Variants in E2F3 observed in about 807,000 individuals in gnomAD.
E2F3 encodes transcription factor E2F3.
Under a neutral mutation model 44.4 loss-of-function variants are expected in E2F3, and 11 were observed. The observed-to-expected ratio is 0.25, with a 90% CI of 0.16 to 0.41. The LOEUF is 0.41. Ranked by LOEUF, E2F3 falls within the 10% of genes least tolerant of loss-of-function variation. The pLI is 1.00. For synonymous variants in E2F3, 249 were observed against 253.0 expected, an observed-to-expected ratio of 0.98 and a Z score of 0.15; for missense variants, 487 against 583.6, an observed-to-expected ratio of 0.83 and a Z score of 1.70.
intron 1 of E2F3, among the ~76,000 whole-genome samples, chr6:20,433,358 A>G (rs145244329): frequency 2.0e-5 from 3 of 152,344 alleles, no homozygotes; most frequent in East Asian, 1.9e-4. Flanking sequence ...GACCAGTTCT[A>G]TGGTTCAGGT....
At position 20,460,996 on chromosome 6, in the gene E2F3, C is replaced by CAAAA. The variant is rs61306918; in HGVS notation, c.394-18825_394-18822dup. ...GGGAGACAGAGCAAGACTCTATCTC[C>CAAAA]AAAAAAAAAAAAAAAAAAAAAAAAA... On this transcript the variant is annotated intron_variant, in intron 1 of 6. Coordinates refer to ENST00000346618, the MANE Select transcript of E2F3 (RefSeq NM_001949.5). 8.8e-4 allele frequency among the ~76,000 whole-genome samples: 49 copies of CAAAA among 55,496 alleles called. 2 individuals are homozygous for CAAAA. The highest frequency in any genetic ancestry group is 3.6e-3 in the African/African-American group (48 of 13,268). The allele number at this position is 55,496 out of a possible 152,430, so 36.4% of individuals were successfully genotyped here.
At chr6:20,485,375 T>G (rs902107239) in intron 4 of E2F3, among the ~76,000 whole-genome samples, 57 of 152,120 alleles carry the variant, frequency 3.7e-4, no homozygotes, top group African/African-American at 1.3e-3. Flanking sequence ...GTCCAGGAGT[T>G]CAAGACCAGC....
chr6:20,490,415 C>T lies in E2F3; in HGVS notation c.1383C>T (p.Asp461=). The stretch of plus-strand genomic sequence containing the variant: ...TGGAAAAGCTCCCACTGGTGGAAGA[C>T]TTCATGTGTAGTTGATTATGCTTCG... The part of the protein sequence containing the change: ...YDLEKLPLVE[D]FMCS Residue 461 remains aspartate (D), a synonymous_variant, in exon 7 of 7, where the codon GAC becomes GAT. Coordinates refer to ENST00000346618, the MANE Select transcript of E2F3 (RefSeq NM_001949.5). This position sits in a 1 kb window ranked among gnomAD's most constrained non-coding sequence, Gnocchi z 4.3. 1 of 1,582,944 alleles carries T rather than the reference C, an allele frequency of 6.3e-7. No homozygotes were observed. The highest frequency in any genetic ancestry group is 1.2e-5 in the South Asian group (1 of 86,174).
rs914595201 is a variant in E2F3, at chr6:20,405,381, C to T, written c.393+2756C>T. Among the ~76,000 whole-genome samples, 3 of 124,206 alleles carry T rather than the reference C, an allele frequency of 2.4e-5. No individual in the cohort carries two copies. In the Admixed American group the frequency reaches 3.0e-4, roughly 12 times the overall value. The allele number at this position is 124,206 out of a possible 152,430, so 81.5% of individuals were successfully genotyped here. Reference sequence around the variant, plus strand: ...TTTTTTTTTGAGACGGAGTCTCATTCTGTCGCCCAGGCTGGAGTGCAATGG... The same window carrying T: ...TTTTTTTTTGAGACGGAGTCTCATTTTGTCGCCCAGGCTGGAGTGCAATGG... On this transcript the variant is annotated intron_variant, in intron 1 of 6. Coordinates refer to ENST00000346618, the MANE Select transcript of E2F3 (RefSeq NM_001949.5).
intron 1 of E2F3, among the ~76,000 whole-genome samples, chr6:20,411,163 T>C (rs186459242): frequency 6.6e-6 from 1 of 152,368 alleles, no homozygotes; most frequent in East Asian, 1.9e-4. Flanking sequence ...CCTTTATTTC[T>C]GTGATTAAAT....
At chr6:20,418,689 T>C (rs1333456218) in intron 1 of E2F3, among the ~76,000 whole-genome samples, 4 of 152,158 alleles carry the variant, frequency 2.6e-5, no homozygotes, top group Non-Finnish European at 5.9e-5. Context: ...ATGATCCCAT[T>C]AGTACCTTCC....
At chr6:20,443,161 G>T (rs1238084935) in intron 1 of E2F3, among the ~76,000 whole-genome samples, 1 of 152,084 alleles carries the variant, frequency 6.6e-6, no homozygotes, top group African/African-American at 2.4e-5. Flanking sequence ...AGGGATGCAG[G>T]GGTCCTGTCT....
Position 20,482,796 on chromosome 6 carries a change from G to T in E2F3, c.760G>T (p.Ala254Ser). ...TCTGTCTGAGGATGGGGGCATGCTG[G>T]CCCAGTGTCAAGGCCTGTCAAAAGA... ...CSLSEDGGML[A>S]QCQGLSKEVT... The change falls in exon 4 of 7, where the codon GCC (alanine) becomes TCC (serine). Residue 254 changes from alanine (A) to serine (S), a missense_variant. By Grantham distance (99) the Ala-to-Ser change is moderately conservative (BLOSUM62 1). Around this residue, in one of 3 missense-constraint regions of E2F3, gnomAD observed 220 missense variants for 261.7 expected, o/e 0.84. Transcript: ENST00000346618. The T allele has an allele frequency of 6.2e-7, 1 of 1,612,556 alleles. No homozygotes were observed. The highest frequency in any genetic ancestry group is 2.2e-5 in the East Asian group (1 of 44,846).
At chr6:20,425,389 T>A (rs1219679669) in intron 1 of E2F3, among the ~76,000 whole-genome samples, 1 of 145,408 alleles carries the variant, frequency 6.9e-6, no homozygotes, top group African/African-American at 2.5e-5. Context: ...ACCTTCTACT[T>A]TTTTTTTTTT....
In E2F3 at chr6:20,482,876, C is replaced by T. The variant is rs1334238186; in HGVS notation, c.840C>T (p.Cys280=). 6.2e-7 allele frequency: 1 copy of T among 1,613,780 alleles called. No individual in the cohort carries two copies. The highest frequency in any genetic ancestry group is 1.3e-5 in the African/African-American group (1 of 74,918). ...AATTAGATGAACTGATCCAAAGCTG[C>T]ACCCTGGACCTCAAACTGTTAACCG... is the stretch of plus-strand genomic sequence containing the variant. The part of the protein sequence containing the change: ...EKKLDELIQS[C]TLDLKLLTED... Residue 280 remains cysteine (C), a synonymous_variant, in exon 4 of 7, where the codon TGC becomes TGT. Coordinates refer to ENST00000346618, the MANE Select transcript of E2F3 (RefSeq NM_001949.5).
chr6:20,481,810 T>A (rs1762233062), intron 3 of E2F3, among the ~76,000 whole-genome samples: 1 of 152,092 alleles, frequency 6.6e-6, no homozygotes, highest in Non-Finnish European at 1.5e-5. Flanking sequence ...CTGGAAATGA[T>A]GGCTTATGGG....
rs1273578188 is a variant in E2F3 at position 20,492,812 on chromosome 6, TTAAG to T, written c.*2386_*2389del. The T allele has an allele frequency of 4.4e-6, 1 of 226,424 alleles. No homozygotes were observed. Among genetic ancestry groups the T allele is most frequent in the East Asian group, 6.4e-5 (1 of 15,726 alleles). The allele number at this position is 226,424 out of a possible 1,614,324, so 14.0% of individuals were successfully genotyped here. On this transcript the variant is annotated 3_prime_UTR_variant, in exon 7 of 7. Coordinates refer to ENST00000346618, the MANE Select transcript of E2F3 (RefSeq NM_001949.5). ...ATGTCCATACTGTATTTTGTTTGCA[TTAAG>T]TAATTTTCTTTTTGACTTAGTATCC... is the stretch of plus-strand genomic sequence containing the variant.
chr6:20,445,025 G>A, intron 1 of E2F3: 1 of 966,226 alleles, frequency 1.0e-6, no homozygotes, highest in Non-Finnish European at 1.2e-6. Flanking sequence ...AACTGCATTG[G>A]CCTGGCCATG....
At chr6:20,403,759 G>GGGCCCCCTCTCCAGCC in intron 1 of E2F3, 1 of 1,478,718 alleles carries the variant, frequency 6.8e-7, no homozygotes, top group Non-Finnish European at 8.9e-7. Context: ...TCGGCCCTCC[G>GGGCCCCCTCTCCAGCC]GGCCCCCTCT....
At position 20,434,540 on chromosome 6, in the gene E2F3, C is replaced by T. The variant is rs185903515; in HGVS notation, c.393+31915C>T. On this transcript the variant is annotated intron_variant, in intron 1 of 6. Coordinates refer to ENST00000346618, the MANE Select transcript of E2F3 (RefSeq NM_001949.5). The stretch of plus-strand genomic sequence containing the variant: ...TACGCCACTTAAATCTTAGACCCAC[C>T]GAAAGCTCTAAATGTATCAGTGGAT... 2.6e-5 allele frequency among the ~76,000 whole-genome samples: 4 copies of T among 152,222 alleles called. No individual in the cohort carries two copies. In the South Asian group the frequency reaches 6.2e-4, roughly 24 times the overall value.
chr6:20,447,742 T>C (rs1760997245), intron 1 of E2F3, among the ~76,000 whole-genome samples: 1 of 152,194 alleles, frequency 6.6e-6, no homozygotes, highest in Non-Finnish European at 1.5e-5. Flanking sequence ...TTGTAAACAA[T>C]CACCAACAGT....
intron 1 of E2F3, among the ~76,000 whole-genome samples, chr6:20,403,381 G>C (rs1029980263): frequency 4.0e-5 from 6 of 151,812 alleles, no homozygotes; most frequent in African/African-American, 1.5e-4. Flanking sequence ...GCCGGGCCCC[G>C]GGCCTGCCCT....
At chr6:20,462,196 A>T (rs753754847) in intron 1 of E2F3, among the ~76,000 whole-genome samples, 1 of 152,190 alleles carries the variant, frequency 6.6e-6, no homozygotes, top group Non-Finnish European at 1.5e-5. Context: ...GACAGATAGC[A>T]CGTGTGATTT....
chr6:20,441,203 T>C (rs1345969017), intron 1 of E2F3, among the ~76,000 whole-genome samples: 2 of 152,216 alleles, frequency 1.3e-5, no homozygotes, highest in East Asian at 3.8e-4. Flanking sequence ...TTCTACTTTC[T>C]GTCTGTATGA....
Sources: gnomAD v4.1 joint callset for allele counts (sites outside exome capture counted in the v4.1 genomes callset) on GRCh38, gnomAD v4.1.1 for gene constraint, gnomAD v4.1.1 regional missense constraint, Gnocchi (gnomAD v3.1) non-coding constraint, MANE v1.5 for transcripts, NCBI Gene and HGNC (gene_info 2026-07-23, HGNC 2026-07-21) for gene names.